Variants in PPHLN1 observed in about 807,000 individuals in gnomAD.
The protein encoded by PPHLN1 is periphilin 1.
In PPHLN1, 29 loss-of-function variants were observed where a neutral mutation model predicts 51.3. That is an observed-to-expected ratio of 0.57 (90% CI 0.42 to 0.77). The LOEUF is 0.77. Ranked by LOEUF, PPHLN1 falls within the 30% of genes least tolerant of loss-of-function variation. The pLI is 0.00. For missense variants in PPHLN1, 436 were observed against 438.4 expected, an observed-to-expected ratio of 0.99 and a Z score of 0.05; for synonymous variants, 147 against 147.8, an observed-to-expected ratio of 0.99 and a Z score of 0.04.
chr12:42,442,676 G>C, downstream of PPHLN1: 4 of 1,614,154 alleles, frequency 2.5e-6, no homozygotes, highest in Non-Finnish European at 3.4e-6. Flanking sequence ...GGTACCCCCT[G>C]TGAGGAACAC....
intron 9 of PPHLN1, among the ~76,000 whole-genome samples, chr12:42,429,128 T>C (rs921273630): frequency 8.6e-5 from 13 of 152,020 alleles, no homozygotes; most frequent in Non-Finnish European, 1.5e-5. Context: ...CCTGTGTTCA[T>C]TATGAATATT....
chr12:42,395,317 T>A (rs897849679), intron 8 of PPHLN1, among the ~76,000 whole-genome samples: 15 of 152,166 alleles, frequency 9.9e-5, no homozygotes, highest in African/African-American at 3.6e-4. Context: ...GTAGCACTGA[T>A]AACCATAATA....
At chr12:42,349,427 A>C (rs2072872315) in intron 2 of PPHLN1, among the ~76,000 whole-genome samples, 2 of 151,508 alleles carry the variant, frequency 1.3e-5, no homozygotes, top group Admixed American at 1.3e-4. Context: ...TTTAGTATTT[A>C]TTGATCATTC....
At chr12:42,327,144 GTGCTATAGTC>G (rs1220119141) in intron 1 of PPHLN1, among the ~76,000 whole-genome samples, 1 of 152,148 alleles carries the variant, frequency 6.6e-6, no homozygotes, top group Non-Finnish European at 1.5e-5. Flanking sequence ...GTGGTCTTCT[GTGCTATAGTC>G]TCATTTCCAT....
At chr12:42,394,064 A>G (rs1272319046) in intron 8 of PPHLN1, among the ~76,000 whole-genome samples, 1 of 152,158 alleles carries the variant, frequency 6.6e-6, no homozygotes, top group Non-Finnish European at 1.5e-5. Flanking sequence ...ATTGTGGACC[A>G]TATTTATATT....
At chr12:42,358,264 T>C (rs1285516854) in intron 4 of PPHLN1, among the ~76,000 whole-genome samples, 1 of 152,210 alleles carries the variant, frequency 6.6e-6, no homozygotes, top group Non-Finnish European at 1.5e-5. Context: ...TATAACATTT[T>C]ACATAAATGA....
rs199795415 is a variant in PPHLN1, at chr12:42,398,872, T to C, written c.787T>C (p.Leu263=). ...TTTCAAGGCGGGATCCACAGCACCA[T>C]TGTTTACTGACCAGCCAGAGGAACC... The part of the protein sequence containing the change: ...SEYEAGSTAP[L]FTDQPEEPES... Residue 263 remains leucine, a synonymous_variant, in exon 9 of 10, where the codon TTG becomes CTG. Transcript: ENST00000358314. The C allele has an allele frequency of 2.0e-4, 330 of 1,613,852 alleles. No homozygotes were observed. The highest frequency in any genetic ancestry group is 2.6e-4 in the Non-Finnish European group (312 of 1,179,918).
chr12:42,409,847 A>G (rs905869250), intron 9 of PPHLN1, among the ~76,000 whole-genome samples: 15 of 151,998 alleles, frequency 9.9e-5, no homozygotes, highest in Non-Finnish European at 2.1e-4. Context: ...ATTGTCTTCT[A>G]TTGGGGGTCT....
Position 42,441,540 on chromosome 12 carries a change from A to C in PPHLN1, c.*31A>C. The C allele has an allele frequency of 1.3e-6, 2 of 1,506,782 alleles. No homozygotes were observed. Among genetic ancestry groups the C allele is most frequent in the East Asian group, 2.3e-5 (1 of 43,152 alleles). The allele number at this position is 1,506,782 out of a possible 1,614,324, so 93.3% of individuals were successfully genotyped here. ...TCTGCTCAGGCTAAAAAAAAAAAAA[A>C]ACAGTTTCTAAAAATTTTTTTTCCT... is the stretch of plus-strand genomic sequence containing the variant. On this transcript the variant is annotated 3_prime_UTR_variant, in exon 10 of 10. Coordinates refer to ENST00000358314, the MANE Select transcript of PPHLN1 (RefSeq NM_201439.2).
intron 4 of PPHLN1, among the ~76,000 whole-genome samples, chr12:42,369,275 C>T (rs1239103805): frequency 1.3e-5 from 2 of 152,164 alleles, no homozygotes; most frequent in Non-Finnish European, 2.9e-5. Context: ...CTGAAGTTCT[C>T]GGCATTTCAT....
rs527659223 is a variant in PPHLN1 at position 42,418,875 on chromosome 12, A to G, written c.909+19881A>G. Among the ~76,000 whole-genome samples, 19 of 152,270 alleles carry G rather than the reference A, an allele frequency of 1.2e-4. No individual in the cohort carries two copies. The South Asian group carries it at 2.9e-3, about 23-fold the overall frequency. On this transcript the variant is annotated intron_variant, in intron 9 of 9. Coordinates refer to ENST00000358314, the MANE Select transcript of PPHLN1 (RefSeq NM_201439.2). ...TTTTCACCACTTGTACTGAGCCTTC[A>G]CTTAGTAACTCCTCAGATGTTTGTT...
At chr12:42,443,609 A>G (rs1332040846), downstream of PPHLN1, 1 of 152,252 alleles carries the variant, frequency 6.6e-6, no homozygotes, top group Non-Finnish European at 1.5e-5. Context: ...CAACTGAGCC[A>G]GTAAATTAGT....
Position 42,354,737 on chromosome 12 carries a change from A to G in PPHLN1, c.238-424A>G, listed in dbSNP as rs556879970. On this transcript the variant is annotated intron_variant, in intron 3 of 9. Coordinates refer to ENST00000358314, the MANE Select transcript of PPHLN1 (RefSeq NM_201439.2). ...TTAATTGAAAATAAGGTGAGAAAAT[A>G]AAACTTGAGCAGGAAAAATGGGAAA... is the stretch of plus-strand genomic sequence containing the variant. 6.6e-5 allele frequency among the ~76,000 whole-genome samples: 10 copies of G among 152,352 alleles called. No homozygotes were observed. The South Asian group carries it at 2.1e-3, about 32-fold the overall frequency.
chr12:42,445,970 C>T (rs1291558231), downstream of PPHLN1: 4 of 1,498,300 alleles, frequency 2.7e-6, no homozygotes, highest in African/African-American at 5.6e-5. Context: ...CACATCCCCT[C>T]AGGCCCTCTT....
At chr12:42,334,001 T>G (rs2070210044) in intron 1 of PPHLN1, among the ~76,000 whole-genome samples, 1 of 152,242 alleles carries the variant, frequency 6.6e-6, no homozygotes, top group Non-Finnish European at 1.5e-5. Context: ...CTTCTGGGTA[T>G]AGCTATTGAC....
At chr12:42,404,578 A>G (rs538538463) in intron 9 of PPHLN1, among the ~76,000 whole-genome samples, 1 of 146,244 alleles carries the variant, frequency 6.8e-6, no homozygotes, top group South Asian at 2.2e-4. Context: ...AGTTTGTGAT[A>G]TAGGTTTACC....
At chr12:42,396,531 T>C (rs952403123) in intron 8 of PPHLN1, among the ~76,000 whole-genome samples, 2 of 146,682 alleles carry the variant, frequency 1.4e-5, no homozygotes, top group Non-Finnish European at 1.5e-5. Flanking sequence ...TAGAATGTCC[T>C]GGTAGATGAG....
chr12:42,409,088 C>T (rs2079572164), intron 9 of PPHLN1, among the ~76,000 whole-genome samples: 1 of 152,010 alleles, frequency 6.6e-6, no homozygotes, highest in Non-Finnish European at 1.5e-5. Flanking sequence ...TGTGGTCTAC[C>T]TTCTCTTTCT....
At chr12:42,380,515 A>C (rs2076666573) in intron 5 of PPHLN1, among the ~76,000 whole-genome samples, 3 of 152,138 alleles carry the variant, frequency 2.0e-5, no homozygotes, top group Admixed American at 1.3e-4. Context: ...TTTGGAAGAT[A>C]GAGTCCATTT....
Sources: allele counts gnomAD v4.1 joint callset (sites outside exome capture counted in the v4.1 genomes callset), GRCh38; gene constraint gnomAD v4.1.1; transcripts MANE v1.5; gene names NCBI Gene and HGNC (gene_info 2026-07-23, HGNC 2026-07-21).